PGGHG: variants seen among roughly 807,000 people sequenced by gnomAD.
PGGHG encodes ATH1, acid trehalase-like 1.
Under a neutral mutation model 74.5 loss-of-function variants are expected in PGGHG, and 67 were observed. The observed-to-expected ratio is 0.90, with a 90% CI of 0.74 to 1.10. The LOEUF (loss-of-function observed/expected upper bound fraction) is 1.10, where lower values mean the gene tolerates loss of function less well. Among genes scored for constraint, PGGHG ranks in the 50% least tolerant of loss-of-function variants. The pLI, the probability that PGGHG is intolerant of heterozygous loss-of-function variation, is 0.00. For synonymous variants in PGGHG, 496 were observed against 419.9 expected, an observed-to-expected ratio of 1.18 and a Z score of -2.21; for missense variants, 1,034 against 981.5, an observed-to-expected ratio of 1.05 and a Z score of -0.72.
chr11:291,274 C>T (rs1362320733), intron 4 of PGGHG, 161 bp downstream of exon 4: 1 of 893,822 alleles, frequency 1.1e-6, no homozygotes, highest in Non-Finnish European at 1.6e-6. Flanking sequence ...GAGGAGTGAT[C>T]TAGGTGAGGG....
In PGGHG at chr11:294,148, G is replaced by T; in HGVS notation, c.1760G>T (p.Gly587Val). The T allele has an allele frequency of 6.2e-7, 1 of 1,612,860 alleles. No homozygotes were observed. Among genetic ancestry groups the T allele is most frequent in the African/African-American group, 1.3e-5 (1 of 75,042 alleles). ...DGSGAVNFLT[G>V]MGGFLQAVVF... ...TCAGGCGCTGTGAACTTCCTGACAG[G>T]CATGGGGGGCTTCCTGCAGGCGGTG... The change falls in exon 12 of 14, where the codon GGC (glycine) becomes GTC (valine). Residue 587 changes from glycine (G) to valine (V), a missense_variant. By Grantham distance (109) the Gly-to-Val change is moderately radical (BLOSUM62 -3). Coordinates refer to ENST00000409548, the MANE Select transcript of PGGHG (RefSeq NM_025092.5).
Position 294,141 on chromosome 11 carries a change from C to T in PGGHG, c.1753C>T (p.Leu585=), listed in dbSNP as rs944890113. ...NADGSGAVNF[L]TGMGGFLQAV... ...AGACGGGTCAGGCGCTGTGAACTTC[C>T]TGACAGGCATGGGGGGCTTCCTGCA... Residue 585 remains leucine, a synonymous_variant, in exon 12 of 14, where the codon CTG becomes TTG. Coordinates refer to ENST00000409548, the MANE Select transcript of PGGHG (RefSeq NM_025092.5). 2.5e-6 allele frequency: 4 copies of T among 1,612,668 alleles called. No homozygotes were observed. In the East Asian group the frequency reaches 6.7e-5, roughly 27 times the overall value.
chr11:293,076 C>A, intron 7 of PGGHG, 79 bp downstream of exon 7: 1 of 1,613,864 alleles, frequency 6.2e-7, no homozygotes, highest in Non-Finnish European at 8.5e-7. Context: ...AGACACCTCA[C>A]GTGTGCCAGC....
At chr11:292,744 G>T in intron 6 of PGGHG, 67 bp downstream of exon 6, 1 of 1,609,682 alleles carries the variant, frequency 6.2e-7, no homozygotes, top group Non-Finnish European at 8.5e-7. Flanking sequence ...CCCACTCCTC[G>T]TGGCTTCCTG....
chr11:292,394 T>C, intron 5 of PGGHG, 152 bp from the exon 6 acceptor site: 1 of 1,069,860 alleles, frequency 9.3e-7, no homozygotes, highest in Non-Finnish European at 1.3e-6. Flanking sequence ...CCTGGCCCCG[T>C]GAGGACGTGC....
Position 290,757 on chromosome 11 carries a change from C to A in PGGHG, c.550C>A (p.Pro184Thr). 6.2e-7 allele frequency: 1 copy of A among 1,611,864 alleles called. No homozygotes were observed. The highest frequency in any genetic ancestry group is 8.5e-7 in the Non-Finnish European group (1 of 1,179,382). The change falls in exon 4 of 14, where the codon CCC becomes ACC. Residue 184 changes from proline (P) to threonine (T), a missense_variant. Physicochemically the swap from Pro to Thr is conservative, Grantham distance 38. Transcript: ENST00000409548. ...GGTACACATGCTGTGGACACCAGCA[C>A]CCCCAGACCTGACCCTTGGGGAAGG... ...QEVHMLWTPA[P>T]PDLTLGEGEE...
At position 294,841 on chromosome 11, in the gene PGGHG, C is replaced by G. The variant is rs1845832527; in HGVS notation, c.*92C>G. ...CTGGGCACCCTCCTAGCCTGCCATC[C>G]CTCACCTGCAGCCAGGCTCTCAGGG... On this transcript the variant is annotated 3_prime_UTR_variant, in exon 14 of 14. Coordinates refer to ENST00000409548, the MANE Select transcript of PGGHG (RefSeq NM_025092.5). 1 of 1,374,392 alleles carries G rather than the reference C, an allele frequency of 7.3e-7. No individual in the cohort carries two copies. The highest frequency in any genetic ancestry group is 9.9e-7 in the Non-Finnish European group (1 of 1,015,198). 85.1% of individuals were successfully genotyped at this position (1,374,392 alleles called of 1,614,324 possible).
chr11:291,679 G>T, intron 4 of PGGHG: 1 of 362,050 alleles, frequency 2.8e-6, no homozygotes, highest in Non-Finnish European at 5.1e-6. Flanking sequence ...CTCAGAGGCC[G>T]AGTCATTCAC....
In PGGHG at chr11:290,486, C is replaced by A; in HGVS notation, c.356C>A (p.Ser119Tyr). ...TLPHVLAFRV[S>Y]IARLAPGSGP... ...CCCCACGTGCTGGCTTTCCGAGTGTCCATCGCCCGCCTGGCCCCGGGGAGC... is the reference window on the plus strand; with the variant it reads ...CCCCACGTGCTGGCTTTCCGAGTGTACATCGCCCGCCTGGCCCCGGGGAGC... The change falls in exon 3 of 14, where the codon TCC becomes TAC. Residue 119 changes from serine (S) to tyrosine (Y), a missense_variant. By Grantham distance (144) the Ser-to-Tyr change is moderately radical. Coordinates refer to ENST00000409548, the MANE Select transcript of PGGHG (RefSeq NM_025092.5). 1 of 1,550,242 alleles carries A rather than the reference C, an allele frequency of 6.5e-7. No individual in the cohort carries two copies. Among genetic ancestry groups the A allele is most frequent in the Non-Finnish European group, 8.7e-7 (1 of 1,146,944 alleles).
chr11:291,287 A>G (rs1423211559), intron 4 of PGGHG, 174 bp downstream of exon 4: 3 of 816,682 alleles, frequency 3.7e-6, no homozygotes, highest in African/African-American at 3.5e-5. Context: ...GGTGAGGGGA[A>G]TGGAAGGTGC....
At position 294,214 on chromosome 11, in the gene PGGHG, C is replaced by T. The variant is rs775763870; in HGVS notation, c.1808+18C>T. 1 of 1,598,754 alleles carries T rather than the reference C, an allele frequency of 6.3e-7. No individual in the cohort carries two copies. Among genetic ancestry groups the T allele is most frequent in the Non-Finnish European group, 8.5e-7 (1 of 1,171,526 alleles). On this transcript the variant is annotated intron_variant, in intron 12 of 13. Coordinates refer to ENST00000409548, the MANE Select transcript of PGGHG (RefSeq NM_025092.5). ...GGGTTCAGGTAAGTGCAGAGGCTGG[C>T]AGAGGGCAGCCCATGCCCCCACCTG...
Position 293,704 on chromosome 11 carries a change from C to T in PGGHG, c.1591C>T (p.Pro531Ser). 6.2e-7 allele frequency: 1 copy of T among 1,613,216 alleles called. No homozygotes were observed. Among genetic ancestry groups the T allele is most frequent in the South Asian group, 1.1e-5 (1 of 91,088 alleles). ...GGAGATTTACGAGGCTGTGACGTCC[C>T]CCCAGGGCCCCGCCATGACCTGGGT... The part of the protein sequence containing the change: ...NLEIYEAVTS[P>S]QGPAMTWSMF... The change falls in exon 10 of 14, where the codon CCC (proline) becomes TCC (serine). Residue 531 changes from proline (P) to serine (S), a missense_variant. Coordinates refer to ENST00000409548, the MANE Select transcript of PGGHG (RefSeq NM_025092.5).
chr11:289,708 C>G lies in PGGHG; in HGVS notation c.-13-96C>G. 1.4e-6 allele frequency: 2 copies of G among 1,412,238 alleles called. No homozygotes were observed. Among genetic ancestry groups the G allele is most frequent in the Non-Finnish European group, 1.9e-6 (2 of 1,070,296 alleles). The allele number at this position is 1,412,238 out of a possible 1,614,324, so 87.5% of individuals were successfully genotyped here. ...GCTGCCCAGCTGGTTCCGCAACTCC[C>G]CCCAGTTCTGAGGGAGGCTTCAGGG... On this transcript the variant is annotated intron_variant, in intron 1 of 13. Transcript: ENST00000409548. This position sits in a 1 kb window ranked among gnomAD's most constrained non-coding sequence, Gnocchi z 5.6.
Position 293,875 on chromosome 11 carries a change from G to GC in PGGHG, c.1663dup (p.Arg555ProfsTer13), listed in dbSNP as rs1845800392. 1 of 1,613,476 alleles carries GC rather than the reference G, an allele frequency of 6.2e-7. No individual in the cohort carries two copies. Among genetic ancestry groups the GC allele is most frequent in the Admixed American group, 1.7e-5 (1 of 59,976 alleles). On this transcript the variant is annotated frameshift_variant, in exon 11 of 14. Coordinates refer to ENST00000409548, the MANE Select transcript of PGGHG (RefSeq NM_025092.5). LOFTEE classifies it high-confidence loss of function. The stretch of plus-strand genomic sequence containing the variant: ...GATGGAGCTGAAGGACGCAGTGCGG[G>GC]CCCGGGGCCTCCTGGACAGGAGCTT...
chr11:293,302 C>A (rs757250528), intron 8 of PGGHG, 64 bp from the exon 9 acceptor site: 4 of 1,602,926 alleles, frequency 2.5e-6, no homozygotes, highest in Non-Finnish European at 3.4e-6. Context: ...CCGGTGCCCC[C>A]ACTAGGCAGG....
intron 6 of PGGHG, 66 bp from the exon 7 acceptor site, chr11:292,820 A>C: frequency 6.2e-7 from 1 of 1,610,946 alleles, no homozygotes; most frequent in Non-Finnish European, 8.5e-7. Flanking sequence ...GCTTCTGGGC[A>C]CAGACAGGCC....
Position 290,402 on chromosome 11 carries a change from A to G in PGGHG, c.272A>G (p.His91Arg). The G allele has an allele frequency of 6.5e-7, 1 of 1,545,314 alleles. No individual in the cohort carries two copies. The highest frequency in any genetic ancestry group is 8.7e-7 in the Non-Finnish European group (1 of 1,146,774). The change falls in exon 3 of 14, where the codon CAC (histidine) becomes CGC (arginine). Residue 91 changes from histidine to arginine, a missense_variant. His to Arg is a conservative substitution (Grantham distance 29, BLOSUM62 0). Transcript: ENST00000409548. ...ALDTNTGSFL[H>R]TLEGPRFRAS... Reference sequence around the variant, plus strand: ...TCTGCCTCCCCAGGCTCCTTTCTTCACACCCTGGAGGGCCCCCGCTTCCGG... The same window carrying G: ...TCTGCCTCCCCAGGCTCCTTTCTTCGCACCCTGGAGGGCCCCCGCTTCCGG...
Position 289,780 on chromosome 11 carries a change from C to T in PGGHG, c.-13-24C>T, listed in dbSNP as rs1845659919. ...GGAGGCCCAGCCAGTCCCGCGGCCC[C>T]TGACACCCCATCAGGCCGCTCAGGC... On this transcript the variant is annotated intron_variant, in intron 1 of 13. Coordinates refer to ENST00000409548, the MANE Select transcript of PGGHG (RefSeq NM_025092.5). This position sits in a 1 kb window ranked among gnomAD's most constrained non-coding sequence, Gnocchi z 5.6. The T allele has an allele frequency of 1.3e-6, 2 of 1,534,446 alleles. No homozygotes were observed. The highest frequency in any genetic ancestry group is 1.4e-5 in the African/African-American group (1 of 72,778).
At position 290,565 on chromosome 11, in the gene PGGHG, G is replaced by A. The variant is rs1424281671; in HGVS notation, c.435G>A (p.Leu145=). 6.4e-7 allele frequency: 1 copy of A among 1,552,374 alleles called. No individual in the cohort carries two copies. Among genetic ancestry groups the A allele is most frequent in the Non-Finnish European group, 8.7e-7 (1 of 1,147,876 alleles). ...RSAFSPESPD[L]DLHQGPDFQG... is the part of the protein sequence containing the mutation. ...CCTTCTCCCCAGAAAGCCCAGACCT[G>A]GACCTGCATCAGGGTCCTGACTTCC... Residue 145 remains leucine (L), a synonymous_variant, in exon 3 of 14, where the codon CTG becomes CTA. Transcript: ENST00000409548.
Sources: gnomAD v4.1 joint callset for allele counts on GRCh38, gnomAD v4.1.1 for gene constraint, Gnocchi (gnomAD v3.1) non-coding constraint, MANE v1.5 for transcripts, NCBI Gene and HGNC (gene_info 2026-07-23, HGNC 2026-07-21) for gene names.